The following FXR2 variants were observed in gnomAD, a reference collection of about 807,000 sequenced individuals.
FXR2 encodes the protein FMR1 autosomal homolog 2, also known as RNA-binding protein FXR2.
A neutral mutation model predicts 87.3 loss-of-function variants in FXR2; 9 were observed. The ratio of observed to expected loss-of-function variants is 0.10; its 90% CI spans 0.06 to 0.18. The LOEUF (loss-of-function observed/expected upper bound fraction) is 0.18. FXR2 is among the 10% of genes least tolerant of loss of function. FXR2 has a pLI of 1.00. For missense variants in FXR2, 661 were observed against 893.6 expected (o/e 0.74, Z 3.32); for synonymous variants, 331 against 328.3 (o/e 1.01, Z -0.09).
rs1202671931 is a variant in FXR2, at chr17:7,592,769, GGCGGCGGCGGGA to G, written c.1642_1653del (p.Ser548_Arg551del). 4 of 1,611,946 alleles carry G rather than the reference GGCGGCGGCGGGA, an allele frequency of 2.5e-6. No individual in the cohort carries two copies. Among genetic ancestry groups the G allele is most frequent in the Non-Finnish European group, 3.4e-6 (4 of 1,178,708 alleles). Reference sequence around the variant, plus strand: ...ATGACGGTCCTGTCTTCATCAGTGCGGCGGCGGCGGGAGCGGCGGCGCCTGGCACTTGCTGGG... The same window carrying G: ...ATGACGGTCCTGTCTTCATCAGTGCGGCGGCGGCGCCTGGCACTTGCTGGG... On this transcript the variant is annotated inframe_deletion, in exon 14 of 17. Transcript: ENST00000250113. The surrounding 1 kb of genome is among the most constrained non-coding windows in gnomAD (Gnocchi z 4.8).
intron 7 of FXR2, among the ~76,000 whole-genome samples, chr17:7,599,226 G>T (rs556764492): frequency 2.0e-4 from 30 of 151,710 alleles, no homozygotes; most frequent in African/African-American, 6.3e-4. Flanking sequence ...TTGAGCTCGG[G>T]GGGTAGAGAC....
In FXR2 at chr17:7,602,963, G is replaced by T; in HGVS notation, c.489C>A (p.Ala163=). 1 of 1,597,350 alleles carries T rather than the reference G, an allele frequency of 6.3e-7. No homozygotes were observed. Among genetic ancestry groups the T allele is most frequent in the Non-Finnish European group, 8.6e-7 (1 of 1,166,002 alleles). The stretch of plus-strand genomic sequence containing the variant: ...TGAGAAAGATGCAGTTGGCTCCCAG[G>T]GCTTTCTTGAACTCTTTATGGACGT... ...NENVHKEFKK[A]LGANCIFLNI... is the part of the protein sequence containing the mutation. Residue 163 remains alanine, a synonymous_variant, in exon 6 of 17, where the codon GCC becomes GCA. Transcript: ENST00000250113.
rs778721641 is a variant in FXR2, at chr17:7,592,292, G to A, written c.1888C>T (p.Arg630Cys). 39 of 1,612,878 alleles carry A rather than the reference G, an allele frequency of 2.4e-5. No homozygotes were observed. Among genetic ancestry groups the A allele is most frequent in the Non-Finnish European group, 2.7e-5 (32 of 1,178,988 alleles). ...SQSRQRPPLE[R>C]TKPSEDSLSG... ...AGAGAGTCTTCTGAGGGTTTAGTGC[G>A]TTCCAGGGGTGGCCTCTGGCGGCTC... is the stretch of plus-strand genomic sequence containing the variant. Residue 630 changes from arginine to cysteine, a missense_variant, in exon 16 of 17, where the codon CGC becomes TGC. Around this residue, in one of 3 missense-constraint regions of FXR2, gnomAD observed 409 missense variants for 432.0 expected, o/e 0.95. Transcript: ENST00000250113. The surrounding 1 kb of genome is among the most constrained non-coding windows in gnomAD (Gnocchi z 4.8).
chr17:7,598,587 G>A (rs73242239), intron 7 of FXR2, among the ~76,000 whole-genome samples: 19 of 152,086 alleles, frequency 1.2e-4, no homozygotes, highest in African/African-American at 4.3e-4. Flanking sequence ...CTCTCTGACC[G>A]AATTTTGTAT....
Position 7,595,793 on chromosome 17 carries a change from G to A in FXR2, c.831+31C>T. ...GGCCTCTCTTCCCTCTATCCCCTAA[G>A]AGACCCAGAAGAAAGACATCCTTTG... On this transcript the variant is annotated intron_variant, in intron 8 of 16. Coordinates refer to ENST00000250113, the MANE Select transcript of FXR2 (RefSeq NM_004860.4). This position sits in a 1 kb window ranked among gnomAD's most constrained non-coding sequence, Gnocchi z 4.7. 1 of 1,592,386 alleles carries A rather than the reference G, an allele frequency of 6.3e-7. No homozygotes were observed. Among genetic ancestry groups the A allele is most frequent in the South Asian group, 1.1e-5 (1 of 90,390 alleles).
rs375991949 is a variant in FXR2, at chr17:7,594,752, G to A, written c.837C>T (p.Pro279=). Residue 279 remains proline (P), a synonymous_variant, in exon 9 of 17, where the codon CCC becomes CCT. Coordinates refer to ENST00000250113, the MANE Select transcript of FXR2 (RefSeq NM_004860.4). The surrounding 1 kb of genome is among the most constrained non-coding windows in gnomAD (Gnocchi z 5.1). Reference sequence around the variant, plus strand: ...AGCTTCGGGCCTGTCGGCAAGCCTCGGGAGTCTAAAGGAAGAACAGCAGGG... The same window carrying A: ...AGCTTCGGGCCTGTCGGCAAGCCTCAGGAGTCTAAAGGAAGAACAGCAGGG... ...TCTFRIYGET[P]EACRQARSYL... 113 of 1,605,740 alleles carry A rather than the reference G, an allele frequency of 7.0e-5. No homozygotes were observed. The highest frequency in any genetic ancestry group is 8.9e-5 in the East Asian group (4 of 44,850).
chr17:7,612,677 T>A (rs2071877662), intron 1 of FXR2, among the ~76,000 whole-genome samples: 1 of 151,380 alleles, frequency 6.6e-6, no homozygotes, highest in Admixed American at 6.6e-5. Flanking sequence ...AAGGCAAAAA[T>A]GGGTAAGTAT....
At chr17:7,596,644 C>T in intron 7 of FXR2, among the ~76,000 whole-genome samples, 1 of 152,158 alleles carries the variant, frequency 6.6e-6, no homozygotes, top group Non-Finnish European at 1.5e-5. Context: ...GTGTCATCTG[C>T]TAAGTGATTA....
chr17:7,594,390 AG>A lies in FXR2; in HGVS notation c.911-44del. On this transcript the variant is annotated intron_variant, in intron 9 of 16. Coordinates refer to ENST00000250113, the MANE Select transcript of FXR2 (RefSeq NM_004860.4). This position sits in a 1 kb window ranked among gnomAD's most constrained non-coding sequence, Gnocchi z 5.1. ...GGAATTCAGCCTTTTATTTTTTTTA[AG>A]GAAATAAGAATAAAGCTGATACACC... 1.6e-6 allele frequency: 2 copies of A among 1,263,380 alleles called. No individual in the cohort carries two copies. 78.3% of individuals were successfully genotyped at this position (1,263,380 alleles called of 1,614,324 possible).
rs1322088968 is a variant in FXR2, at chr17:7,592,008, G to T, written c.1927-83C>A. ...GTGGGAGACATTCCCTACCATCCAAGCCCTCCTGGCATTTGGTGATCCAGA... is the reference window on the plus strand; with the variant it reads ...GTGGGAGACATTCCCTACCATCCAATCCCTCCTGGCATTTGGTGATCCAGA... On this transcript the variant is annotated intron_variant, in intron 16 of 16. Transcript: ENST00000250113. The surrounding 1 kb of genome is among the most constrained non-coding windows in gnomAD (Gnocchi z 4.8). 7.6e-6 allele frequency: 9 copies of T among 1,184,086 alleles called. No individual in the cohort carries two copies. The highest frequency in any genetic ancestry group is 1.5e-5 in the African/African-American group (1 of 65,698). 73.3% of individuals were successfully genotyped at this position (1,184,086 alleles called of 1,614,324 possible). A position where few individuals can be genotyped will look rare whatever the true frequency, so the allele number is the denominator to read the frequency against.
rs566894937 is a variant in FXR2 at position 7,613,271 on chromosome 17, G to A, written c.81+1181C>T. On this transcript the variant is annotated intron_variant, in intron 1 of 16. Transcript: ENST00000250113. ...AGGTATCTCTTCCCCAGCTCCCCAGGGTGAAATCAAAGAATGAGACAGAAA... is the reference window on the plus strand; with the variant it reads ...AGGTATCTCTTCCCCAGCTCCCCAGAGTGAAATCAAAGAATGAGACAGAAA... Among the ~76,000 whole-genome samples the A allele has an allele frequency of 5.3e-5, 8 of 152,120 alleles. No individual in the cohort carries two copies. The South Asian group carries it at 1.2e-3, about 24-fold the overall frequency.
Position 7,593,646 on chromosome 17 carries a change from A to C in FXR2, c.1108-21T>G. 1.3e-6 allele frequency: 2 copies of C among 1,500,060 alleles called. No individual in the cohort carries two copies. Among genetic ancestry groups the C allele is most frequent in the Non-Finnish European group, 1.8e-6 (2 of 1,099,278 alleles). The allele number at this position is 1,500,060 out of a possible 1,614,324, so 92.9% of individuals were successfully genotyped here. A position where few individuals can be genotyped will look rare whatever the true frequency, so the allele number is the denominator to read the frequency against. On this transcript the variant is annotated intron_variant, in intron 11 of 16. Coordinates refer to ENST00000250113, the MANE Select transcript of FXR2 (RefSeq NM_004860.4). This position sits in a 1 kb window ranked among gnomAD's most constrained non-coding sequence, Gnocchi z 6.1. The stretch of plus-strand genomic sequence containing the variant: ...ACCTCCTGGTTGGGTAAAAGATGGA[A>C]GAAGGGGAAGGAGAAATAAGATCAG...
Position 7,591,601 on chromosome 17 carries a change from A to C in FXR2, c.*229T>G. 2 of 543,698 alleles carry C rather than the reference A, an allele frequency of 3.7e-6. No homozygotes were observed. Among genetic ancestry groups the C allele is most frequent in the Non-Finnish European group, 6.7e-6 (2 of 300,434 alleles). The allele number at this position is 543,698 out of a possible 1,614,324, so 33.7% of individuals were successfully genotyped here. A position where few individuals can be genotyped will look rare whatever the true frequency, so the allele number is the denominator to read the frequency against. ...AAAGGCACATCCAGTCTGATGGGGA[A>C]GGAGAGAGGCTCCCCTTACCCTGGG... On this transcript the variant is annotated 3_prime_UTR_variant, in exon 17 of 17. Coordinates refer to ENST00000250113, the MANE Select transcript of FXR2 (RefSeq NM_004860.4). This position sits in a 1 kb window ranked among gnomAD's most constrained non-coding sequence, Gnocchi z 4.0.
Position 7,595,157 on chromosome 17 carries a change from A to C in FXR2, c.832-400T>G, listed in dbSNP as rs759660349. Reference sequence around the variant, plus strand: ...AACAAATAAATAACTTAAAAAAAAAAACAGAGGACCTTGGCCAGGCACAGC... The same window carrying C: ...AACAAATAAATAACTTAAAAAAAAACACAGAGGACCTTGGCCAGGCACAGC... On this transcript the variant is annotated intron_variant, in intron 8 of 16. Coordinates refer to ENST00000250113, the MANE Select transcript of FXR2 (RefSeq NM_004860.4). The surrounding 1 kb of genome is among the most constrained non-coding windows in gnomAD (Gnocchi z 4.7). Among the ~76,000 whole-genome samples, 1 of 151,972 alleles carries C rather than the reference A, an allele frequency of 6.6e-6. No individual in the cohort carries two copies. Among genetic ancestry groups the C allele is most frequent in the Non-Finnish European group, 1.5e-5 (1 of 67,982 alleles).
chr17:7,596,184 G>T, intron 7 of FXR2, 190 bp from the exon 8 acceptor site: 1 of 523,352 alleles, frequency 1.9e-6, no homozygotes, highest in Non-Finnish European at 3.4e-6. Flanking sequence ...TTGAGATGGC[G>T]TCTCGCTCTG....
chr17:7,600,561 G>C (rs1259101493), intron 7 of FXR2, among the ~76,000 whole-genome samples: 1 of 152,174 alleles, frequency 6.6e-6, no homozygotes, highest in African/African-American at 2.4e-5. Flanking sequence ...ACTTTGCAAA[G>C]TACAGGCAGA....
In FXR2 at chr17:7,609,656, T is replaced by C. The variant is rs541510247; in HGVS notation, c.82-3507A>G. On this transcript the variant is annotated intron_variant, in intron 1 of 16. Coordinates refer to ENST00000250113, the MANE Select transcript of FXR2 (RefSeq NM_004860.4). ...CCATTCAAGTCTTCTGAGGCACTTT[T>C]ACTTCTACTTGCCTGGGTCTCTCTT... 2.0e-5 allele frequency among the ~76,000 whole-genome samples: 3 copies of C among 152,178 alleles called. No individual in the cohort carries two copies. In the South Asian group the frequency reaches 6.2e-4, roughly 32 times the overall value.
intron 7 of FXR2, among the ~76,000 whole-genome samples, chr17:7,601,180 C>CAAA (rs35065111): frequency 1.3e-5 from 1 of 79,390 alleles, no homozygotes. Flanking sequence ...CTCTGTCTCC[C>CAAA]AAAAAAAAAA....
chr17:7,601,561 G>A, intron 6 of FXR2, 36 bp from the exon 7 acceptor site: 1 of 1,274,924 alleles, frequency 7.8e-7, no homozygotes, highest in South Asian at 1.2e-5. Context: ...ATTAAAACTG[G>A]CTTGGAATAA....
Sources: gnomAD v4.1 joint callset for allele counts (sites outside exome capture counted in the v4.1 genomes callset) on GRCh38, gnomAD v4.1.1 for gene constraint, gnomAD v4.1.1 regional missense constraint, Gnocchi (gnomAD v3.1) non-coding constraint, MANE v1.5 for transcripts, NCBI Gene and HGNC (gene_info 2026-07-23, HGNC 2026-07-21) for gene names.